The following NELL2 variants were observed in gnomAD, a reference collection of about 807,000 sequenced individuals.
NELL2 encodes the protein neural EGFL like 2.
In NELL2, 41 loss-of-function variants were observed where a neutral mutation model predicts 109.6. That is an observed-to-expected ratio of 0.37 (90% CI 0.29 to 0.49). The LOEUF (loss-of-function observed/expected upper bound fraction) is 0.49, where lower values mean the gene tolerates loss of function less well. NELL2 is among the 20% of genes least tolerant of loss of function. NELL2 has a pLI of 0.98. For synonymous variants in NELL2, 355 were observed against 344.7 expected (o/e 1.03, Z -0.33); for missense variants, 900 against 1,008.3 (o/e 0.89, Z 1.45).
chr12:44,804,675 A>G (rs1365924607), intron 3 of NELL2, among the ~76,000 whole-genome samples: 1 of 151,968 alleles, frequency 6.6e-6, no homozygotes, highest in Non-Finnish European at 1.5e-5. Flanking sequence ...TCACATTGAC[A>G]TGAAAAGACA....
At chr12:44,867,370 G>C (rs1945030395) in intron 2 of NELL2, among the ~76,000 whole-genome samples, 1 of 151,968 alleles carries the variant, frequency 6.6e-6, no homozygotes, top group Non-Finnish European at 1.5e-5. Context: ...ACAGAATAAA[G>C]GACAAAATCC....
chr12:44,834,278 TTG>T (rs1190060006), intron 2 of NELL2, among the ~76,000 whole-genome samples: 1 of 152,194 alleles, frequency 6.6e-6, no homozygotes, highest in African/African-American at 2.4e-5. Flanking sequence ...TACTCTAATT[TTG>T]TTTTTCTCAC....
intron 9 of NELL2, among the ~76,000 whole-genome samples, chr12:44,726,421 T>C (rs1437235887): frequency 6.6e-6 from 1 of 152,050 alleles, no homozygotes; most frequent in African/African-American, 2.4e-5. Flanking sequence ...GGCTTCGCTT[T>C]CTAGTCCAGT....
intron 12 of NELL2, among the ~76,000 whole-genome samples, chr12:44,671,566 T>A (rs533977443): frequency 1.3e-5 from 2 of 151,762 alleles, no homozygotes; most frequent in Non-Finnish European, 1.5e-5. Flanking sequence ...GAAGACCAGA[T>A]AAACAAAAAT....
rs766970368 is a variant in NELL2 at position 44,774,799 on chromosome 12, T to C, written c.942A>G (p.Pro314=). The part of the protein sequence containing the change: ...ETLICPNPDC[P]LKSALAYVDG... Reference sequence around the variant, plus strand: ...CCACATACGCAAGAGCCGACTTAAGTGGGCAGTCAGGATTTGGGCAGATTA... The same window carrying C: ...CCACATACGCAAGAGCCGACTTAAGCGGGCAGTCAGGATTTGGGCAGATTA... The change falls in exon 9 of 20, where the codon CCA becomes CCG. Residue 314 remains proline, a synonymous_variant. Transcript: ENST00000429094. 1.9e-6 allele frequency: 3 copies of C among 1,614,178 alleles called. No individual in the cohort carries two copies. The highest frequency in any genetic ancestry group is 2.5e-6 in the Non-Finnish European group (3 of 1,180,016).
chr12:44,616,959 A>G (rs1482337851), intron 13 of NELL2, among the ~76,000 whole-genome samples: 2 of 152,192 alleles, frequency 1.3e-5, no homozygotes, highest in Non-Finnish European at 2.9e-5. Flanking sequence ...CTTTAGCAAT[A>G]TAATTATTAT....
At chr12:44,682,545 G>A (rs1241916865) in intron 12 of NELL2, among the ~76,000 whole-genome samples, 25 of 152,260 alleles carry the variant, frequency 1.6e-4, no homozygotes, top group Admixed American at 9.8e-4. Context: ...GGTTTTTATT[G>A]TTTTAGGTCT....
At chr12:44,855,850 T>C (rs1944667805) in intron 2 of NELL2, among the ~76,000 whole-genome samples, 1 of 152,218 alleles carries the variant, frequency 6.6e-6, no homozygotes, top group Non-Finnish European at 1.5e-5. Flanking sequence ...CAGGATAATT[T>C]GGAGTTATTC....
chr12:44,557,281 C>T (rs1193661053), intron 15 of NELL2, among the ~76,000 whole-genome samples: 2 of 152,160 alleles, frequency 1.3e-5, no homozygotes, highest in African/African-American at 4.8e-5. Flanking sequence ...ACTGCTCCCA[C>T]TATCTATGAT....
At chr12:44,747,452 T>C (rs1038502714) in intron 9 of NELL2, among the ~76,000 whole-genome samples, 7 of 151,698 alleles carry the variant, frequency 4.6e-5, no homozygotes, top group African/African-American at 1.7e-4. Context: ...AGTATAATAA[T>C]AATAATAATA....
chr12:44,543,741 A>G (rs1377950163), intron 15 of NELL2, among the ~76,000 whole-genome samples: 3 of 152,148 alleles, frequency 2.0e-5, no homozygotes, highest in Non-Finnish European at 4.4e-5. Context: ...AGTGATTCTA[A>G]GAGCTCTGGT....
At chr12:44,672,845 C>T (rs898375031) in intron 12 of NELL2, among the ~76,000 whole-genome samples, 2 of 152,186 alleles carry the variant, frequency 1.3e-5, no homozygotes, top group African/African-American at 4.8e-5. Flanking sequence ...ATCCCAGAGG[C>T]TTAGGAGACA....
At chr12:44,905,072 T>C (rs1945705023) in intron 1 of NELL2, among the ~76,000 whole-genome samples, 1 of 152,076 alleles carries the variant, frequency 6.6e-6, no homozygotes, top group Non-Finnish European at 1.5e-5. Context: ...GTGCTAGTGA[T>C]GTAGATGTTC....
At chr12:44,908,612 A>C (rs1199136743) in intron 1 of NELL2, among the ~76,000 whole-genome samples, 1 of 151,980 alleles carries the variant, frequency 6.6e-6, no homozygotes, top group Non-Finnish European at 1.5e-5. Flanking sequence ...GGACATTAAA[A>C]TATTTAAGAA....
chr12:44,602,975 A>G (rs1393812770), intron 15 of NELL2, among the ~76,000 whole-genome samples: 2 of 152,172 alleles, frequency 1.3e-5, no homozygotes, highest in African/African-American at 4.8e-5. Flanking sequence ...GTAATAAAAT[A>G]AACTTAAAAA....
At chr12:44,780,513 A>T (rs1039558788) in intron 3 of NELL2, among the ~76,000 whole-genome samples, 1 of 151,884 alleles carries the variant, frequency 6.6e-6, no homozygotes, top group Admixed American at 6.6e-5. Flanking sequence ...GAAATGAGGC[A>T]TGTAACACCA....
chr12:44,766,105 A>G (rs1019953759), intron 9 of NELL2, among the ~76,000 whole-genome samples: 1 of 152,140 alleles, frequency 6.6e-6, no homozygotes, highest in Non-Finnish European at 1.5e-5. Flanking sequence ...AAAAAAAGAA[A>G]GAAATGCATC....
At position 44,532,589 on chromosome 12, in the gene NELL2, G is replaced by A. The variant is rs1040476232; in HGVS notation, c.1796C>T (p.Ser599Leu). 25 of 1,612,986 alleles carry A rather than the reference G, an allele frequency of 1.5e-5. No individual in the cohort carries two copies. The highest frequency in any genetic ancestry group is 1.0e-4 in the Admixed American group (6 of 59,892). Reference sequence around the variant, plus strand: ...CTTCTCCTTGTACTGACCTTCACACGATTCTCCACTTGGTGAAAACATCCC... The same window carrying A: ...CTTCTCCTTGTACTGACCTTCACACAATTCTCCACTTGGTGAAAACATCCC... ...DNGMFSPSGESCEDIDECGTG... is the reference protein window; with the variant it reads ...DNGMFSPSGELCEDIDECGTG... Residue 599 changes from serine to leucine, a missense_variant, in exon 16 of 20, where the codon TCG becomes TTG. Ser to Leu is a moderately radical substitution (Grantham distance 145). Around this residue, in one of 4 missense-constraint regions of NELL2, gnomAD observed 333 missense variants for 432.3 expected, o/e 0.77. Coordinates refer to ENST00000429094, the MANE Select transcript of NELL2 (RefSeq NM_001145108.2).
intron 9 of NELL2, among the ~76,000 whole-genome samples, chr12:44,726,954 T>G (rs945755629): frequency 3.3e-5 from 5 of 152,160 alleles, no homozygotes; most frequent in Non-Finnish European, 7.4e-5. Flanking sequence ...TTGATTTCTT[T>G]TAATTTTTAA....
Sources: gnomAD v4.1 joint callset for allele counts (sites outside exome capture counted in the v4.1 genomes callset) on GRCh38, gnomAD v4.1.1 for gene constraint, gnomAD v4.1.1 regional missense constraint, MANE v1.5 for transcripts, NCBI Gene and HGNC (gene_info 2026-07-23, HGNC 2026-07-21) for gene names.